The following ADAM23 variants were observed in gnomAD, a reference collection of about 807,000 sequenced individuals.
The protein encoded by ADAM23 is disintegrin and metalloproteinase domain-containing protein 23.
A neutral mutation model predicts 120.1 loss-of-function variants in ADAM23; 33 were observed. The ratio of observed to expected loss-of-function variants is 0.27; its 90% CI spans 0.21 to 0.37. ADAM23 has a LOEUF of 0.37. ADAM23 is among the 10% of genes least tolerant of loss of function. ADAM23 has a pLI of 1.00. For missense variants in ADAM23, 862 were observed against 1,058.2 expected (o/e 0.81, Z 2.57); for synonymous variants, 367 against 375.2 (o/e 0.98, Z 0.25).
At position 206,443,921 on chromosome 2, in the gene ADAM23, G is replaced by C; in HGVS notation, c.55G>C (p.Ala19Pro). ...GCCGCCCCTGGCGGGCTGCAGCCTT[G>C]CCGGCGCTTCCTGCGGCCCCCAACG... ...RQPPLAGCSLAGASCGPQRGP... is the reference protein window; with the variant it reads ...RQPPLAGCSLPGASCGPQRGP... The change falls in exon 1 of 26, where the codon GCC (alanine) becomes CCC (proline). Residue 19 changes from alanine (A) to proline (P), a missense_variant. This residue lies in a region of ADAM23 where 225 missense variants were observed against 204.0 expected (regional missense o/e 1.10). Transcript: ENST00000264377. 8.2e-7 allele frequency: 1 copy of C among 1,224,074 alleles called. No homozygotes were observed. The highest frequency in any genetic ancestry group is 1.0e-6 in the Non-Finnish European group (1 of 986,092). 75.8% of individuals were successfully genotyped at this position (1,224,074 alleles called of 1,614,324 possible).
rs137861771 is a variant in ADAM23 at position 206,473,572 on chromosome 2, AAATAAT to A, written c.433-7636_433-7631del. Reference sequence around the variant, plus strand: ...GGCAACACAGTGAGACCCATCTCTAAAATAATAATAATAATAATAATAATAATAACA... The same window carrying A: ...GGCAACACAGTGAGACCCATCTCTAAAATAATAATAATAATAATAATAACA... On this transcript the variant is annotated intron_variant, in intron 2 of 25. Transcript: ENST00000264377. Among the ~76,000 whole-genome samples the A allele has an allele frequency of 4.7e-3, 699 of 147,198 alleles. 7 individuals are homozygous for A. Among genetic ancestry groups the A allele is most frequent in the African/African-American group, 0.016 (619 of 39,844 alleles).
Position 206,614,766 on chromosome 2 carries a change from A to T in ADAM23, c.2451-2813A>T, listed in dbSNP as rs145539332. On this transcript the variant is annotated intron_variant, in intron 25 of 25. Transcript: ENST00000264377. ...CACCATTTTTTGTGGGGGCCTTTTG[A>T]TTTTTATTGAATTAGGAAATTGAAT... Among the ~76,000 whole-genome samples, 34 of 152,238 alleles carry T rather than the reference A, an allele frequency of 2.2e-4. 1 individual carries two copies. In the East Asian group the frequency reaches 6.5e-3, roughly 29 times the overall value.
rs183683039 is a variant in ADAM23, at chr2:206,595,215, T to G, written c.2247+310T>G. On this transcript the variant is annotated intron_variant, in intron 23 of 25. Coordinates refer to ENST00000264377, the MANE Select transcript of ADAM23 (RefSeq NM_003812.4). ...ACAACAAAAAAGGCCAAATTCAGCCTTGTTAATCACAATCATGGTATTAGA... is the reference window on the plus strand; with the variant it reads ...ACAACAAAAAAGGCCAAATTCAGCCGTGTTAATCACAATCATGGTATTAGA... 1.4e-4 allele frequency among the ~76,000 whole-genome samples: 21 copies of G among 152,294 alleles called. No homozygotes were observed. The East Asian group carries it at 3.7e-3, about 27-fold the overall frequency.
Position 206,551,604 on chromosome 2 carries a change from T to C in ADAM23, c.933+1444T>C, listed in dbSNP as rs551470129. Among the ~76,000 whole-genome samples the C allele has an allele frequency of 2.0e-5, 3 of 152,278 alleles. No homozygotes were observed. The East Asian group carries it at 5.8e-4, about 29-fold the overall frequency. On this transcript the variant is annotated intron_variant, in intron 9 of 25. Transcript: ENST00000264377. ...TTGTTTTACTTTAAGGAAACCAAAA[T>C]TAGATTAGTACATGGTATGATAAGG...
intron 3 of ADAM23, among the ~76,000 whole-genome samples, chr2:206,524,280 A>G (rs1696901455): frequency 6.6e-6 from 1 of 152,212 alleles, no homozygotes; most frequent in African/African-American, 2.4e-5. Context: ...TATTTGTGCT[A>G]CTGTTTACTT....
At chr2:206,444,945 C>T (rs1484031493) in intron 1 of ADAM23, among the ~76,000 whole-genome samples, 1 of 151,910 alleles carries the variant, frequency 6.6e-6, no homozygotes, top group Non-Finnish European at 1.5e-5. Context: ...AGATCGGGGG[C>T]AGGACCCCTG....
intron 18 of ADAM23, among the ~76,000 whole-genome samples, chr2:206,576,203 C>A (rs1478718146): frequency 6.6e-6 from 1 of 152,072 alleles, no homozygotes. Flanking sequence ...AATACTGATA[C>A]ACTGTTTCAG....
Position 206,558,953 on chromosome 2 carries a change from G to C in ADAM23, c.1006-1002G>C, listed in dbSNP as rs1296135680. Among the ~76,000 whole-genome samples the C allele has an allele frequency of 4.8e-5, 7 of 145,674 alleles. No individual in the cohort carries two copies. In the East Asian group the frequency reaches 1.4e-3, roughly 29 times the overall value. ...TGTTTGTTTGTTTGTTTGTTTGTTT[G>C]TTTTTCTTTGAGACAGAGTCTTGCT... is the stretch of plus-strand genomic sequence containing the variant. On this transcript the variant is annotated intron_variant, in intron 10 of 25. Transcript: ENST00000264377.
At chr2:206,484,428 A>G (rs1030480097) in intron 3 of ADAM23, among the ~76,000 whole-genome samples, 1 of 152,078 alleles carries the variant, frequency 6.6e-6, no homozygotes, top group South Asian at 2.1e-4. Context: ...TGTTTTTTAT[A>G]TTTTATTTGT....
At chr2:206,451,560 A>G (rs1695194595) in intron 2 of ADAM23, among the ~76,000 whole-genome samples, 1 of 152,202 alleles carries the variant, frequency 6.6e-6, no homozygotes, top group Admixed American at 6.5e-5. Flanking sequence ...TTTGTAATCA[A>G]TTTTTAAATA....
chr2:206,568,821 A>T lies in ADAM23; in HGVS notation c.1494+1499A>T, dbSNP rs536443622. Among the ~76,000 whole-genome samples, 4 of 152,126 alleles carry T rather than the reference A, an allele frequency of 2.6e-5. No individual in the cohort carries two copies. The South Asian group carries it at 8.3e-4, about 32-fold the overall frequency. On this transcript the variant is annotated intron_variant, in intron 15 of 25. Coordinates refer to ENST00000264377, the MANE Select transcript of ADAM23 (RefSeq NM_003812.4). ...CGAAATAATGTTAACCTTTTTTTTT[A>T]AATCAGTAACTAATGTGGTAACTAA...
intron 3 of ADAM23, among the ~76,000 whole-genome samples, chr2:206,492,063 C>T (rs974909399): frequency 6.6e-6 from 1 of 152,192 alleles, no homozygotes; most frequent in Non-Finnish European, 1.5e-5. Context: ...AAGTCCTTCC[C>T]TCATGAAGCT....
At chr2:206,548,468 T>G (rs1213532587) in intron 8 of ADAM23, 114 bp downstream of exon 8, 2 of 999,226 alleles carry the variant, frequency 2.0e-6, no homozygotes, top group Admixed American at 5.0e-5. Context: ...GGACTGTTGT[T>G]TAAAAATGAA....
At chr2:206,503,395 A>G (rs141422848) in intron 3 of ADAM23, among the ~76,000 whole-genome samples, 1 of 152,300 alleles carries the variant, frequency 6.6e-6, no homozygotes, top group East Asian at 1.9e-4. Flanking sequence ...GGAAAAAGAA[A>G]TACATTGCTT....
At position 206,445,465 on chromosome 2, in the gene ADAM23, T is replaced by G. The variant is rs112012170; in HGVS notation, c.373T>G (p.Ser125Ala). 6.1e-3 allele frequency: 9,855 copies of G among 1,614,112 alleles called. 40 individuals are homozygous for G. Among genetic ancestry groups the G allele is most frequent in the Middle Eastern group, 0.014 (86 of 6,062 alleles). ...ACTCATATATTACATCAACCAAGACTCGGAAAGCCCTTATCACGTTCTTGA... is the reference window on the plus strand; with the variant it reads ...ACTCATATATTACATCAACCAAGACGCGGAAAGCCCTTATCACGTTCTTGA... The part of the protein sequence containing the change: ...SRLIYYINQD[S>A]ESPYHVLDTK... Residue 125 changes from serine (S) to alanine (A), a missense_variant, in exon 2 of 26, where the codon TCG becomes GCG. Physicochemically the swap from Ser to Ala is moderately conservative, Grantham distance 99. Coordinates refer to ENST00000264377, the MANE Select transcript of ADAM23 (RefSeq NM_003812.4).
At chr2:206,534,317 A>G (rs1362384673) in intron 4 of ADAM23, among the ~76,000 whole-genome samples, 1 of 152,190 alleles carries the variant, frequency 6.6e-6, no homozygotes, top group Non-Finnish European at 1.5e-5. Flanking sequence ...TTTTAATGAG[A>G]TATAATTGAA....
chr2:206,573,416 A>T (rs532908686), intron 18 of ADAM23, among the ~76,000 whole-genome samples: 7 of 152,150 alleles, frequency 4.6e-5, no homozygotes, highest in African/African-American at 1.7e-4. Context: ...AGGTAATTTT[A>T]TGTAATATTT....
At chr2:206,560,173 C>G in intron 11 of ADAM23, 55 bp downstream of exon 11, 1 of 1,526,836 alleles carries the variant, frequency 6.5e-7, no homozygotes, top group Non-Finnish European at 8.8e-7. Context: ...TTATCCTTAT[C>G]CCTTTTTTGG....
At chr2:206,462,898 T>C (rs1192303919) in intron 2 of ADAM23, among the ~76,000 whole-genome samples, 1 of 152,176 alleles carries the variant, frequency 6.6e-6, no homozygotes, top group East Asian at 1.9e-4. Context: ...ACCTGATTTA[T>C]ATTTTAATAA....
Sources: gnomAD v4.1 joint callset for allele counts (sites outside exome capture counted in the v4.1 genomes callset) on GRCh38, gnomAD v4.1.1 for gene constraint, gnomAD v4.1.1 regional missense constraint, MANE v1.5 for transcripts, NCBI Gene and HGNC (gene_info 2026-07-23, HGNC 2026-07-21) for gene names.